The following PIGN variants were observed in gnomAD, a reference collection of about 807,000 sequenced individuals.
The protein encoded by PIGN is GPI ethanolamine phosphate transferase 1.
In PIGN, 117 loss-of-function variants were observed where a neutral mutation model predicts 125.4. That is an observed-to-expected ratio of 0.93 (90% CI 0.80 to 1.09). The LOEUF (loss-of-function observed/expected upper bound fraction) is 1.09. Ranked by LOEUF, PIGN falls within the 50% of genes least tolerant of loss-of-function variation. The pLI, the probability that PIGN is intolerant of heterozygous loss-of-function variation, is 0.00. For synonymous variants in PIGN, 392 were observed against 377.8 expected (o/e 1.04, Z -0.44); for missense variants, 1,075 against 1,094.9 (o/e 0.98, Z 0.26).
At chr18:62,154,297 A>G (rs1307773477) in intron 7 of PIGN, 1 of 481,132 alleles carries the variant, frequency 2.1e-6, no homozygotes, top group Non-Finnish European at 3.6e-6. Context: ...ATCACAAACT[A>G]GAAACGAAAA....
intron 1 of PIGN, chr18:62,184,375 T>C (rs992987762): frequency 6.6e-6 from 1 of 152,222 alleles, no homozygotes; most frequent in African/African-American, 2.4e-5. Flanking sequence ...AAAATCTTAC[T>C]AAGTAGAAAG....
chr18:62,082,872 A>G, intron 27 of PIGN, 126 bp from the exon 28 acceptor site: 1 of 580,852 alleles, frequency 1.7e-6, no homozygotes. Context: ...ATACTAGTGA[A>G]GAGCAAACAC....
intron 30 of PIGN, among the ~76,000 whole-genome samples, chr18:62,071,870 A>ATATATATATATG (rs1266637299): frequency 0.011 from 116 of 10,872 alleles, 4 homozygotes; most frequent in African/African-American, 0.053. Context: ...TTCCATATAT[A>ATATATATATATG]TATATATATA....
At chr18:62,181,760 T>C (rs1275635453) in intron 1 of PIGN, among the ~76,000 whole-genome samples, 2 of 152,040 alleles carry the variant, frequency 1.3e-5, no homozygotes, top group African/African-American at 2.4e-5. Flanking sequence ...TCTCGCCCTA[T>C]CTATCGCCCA....
At chr18:62,118,860 G>A (rs1430692523) in intron 14 of PIGN, among the ~76,000 whole-genome samples, 1 of 149,564 alleles carries the variant, frequency 6.7e-6, no homozygotes, top group Non-Finnish European at 1.5e-5. Flanking sequence ...AGAAAGAAAG[G>A]CCAAGTCTTG....
At chr18:62,132,507 C>A (rs1435542411) in intron 14 of PIGN, among the ~76,000 whole-genome samples, 2 of 152,086 alleles carry the variant, frequency 1.3e-5, no homozygotes, top group African/African-American at 4.8e-5. Context: ...CCACCTGGTT[C>A]TGGTATATTT....
intron 14 of PIGN, chr18:62,137,315 C>A: frequency 2.4e-6 from 1 of 408,968 alleles, no homozygotes; most frequent in South Asian, 1.2e-4. Context: ...TGTCAGCTTC[C>A]CTACTTTTGA....
intron 7 of PIGN, among the ~76,000 whole-genome samples, chr18:62,153,116 G>A (rs1388039970): frequency 2.0e-5 from 3 of 152,018 alleles, no homozygotes; most frequent in African/African-American, 7.2e-5. Flanking sequence ...ACATAATGCT[G>A]TTGGCCTGCA....
intron 30 of PIGN, among the ~76,000 whole-genome samples, chr18:62,048,699 T>C (rs2030952013): frequency 6.7e-6 from 1 of 150,290 alleles, no homozygotes; most frequent in East Asian, 1.9e-4. Flanking sequence ...TCTTTTCTTT[T>C]TTTTTTTTTA....
chr18:62,123,434 A>G (rs1418170423), intron 14 of PIGN: 1 of 152,184 alleles, frequency 6.6e-6, no homozygotes, highest in African/African-American at 2.4e-5. Flanking sequence ...AAGAAGGCAC[A>G]TTAAGAACTA....
Position 62,157,234 on chromosome 18 carries a change from AAAGC to A in PIGN, c.344-11_344-8del. 2 of 1,499,212 alleles carry A rather than the reference AAAGC, an allele frequency of 1.3e-6. No individual in the cohort carries two copies. Among genetic ancestry groups the A allele is most frequent in the South Asian group, 1.2e-5 (1 of 86,654 alleles). The allele number at this position is 1,499,212 out of a possible 1,614,324, so 92.9% of individuals were successfully genotyped here. The stretch of plus-strand genomic sequence containing the variant: ...ACAGGATTTTCCTTCCATCCTTCAG[AAAGC>A]AAGCAAGCAGTAATAGTTATATACA... On this transcript the variant is annotated splice_polypyrimidine_tract_variant and splice_region_variant and intron_variant, in intron 5 of 30. Transcript: ENST00000640252.
At chr18:62,095,824 A>G (rs768270058) in intron 23 of PIGN, 24 bp downstream of exon 23, 3 of 1,327,970 alleles carry the variant, frequency 2.3e-6, no homozygotes, top group East Asian at 4.7e-5. Flanking sequence ...CTGCTATAAA[A>G]TTAAATTGTT....
intron 28 of PIGN, among the ~76,000 whole-genome samples, chr18:62,079,473 A>G (rs2033343965): frequency 2.0e-5 from 3 of 152,234 alleles, no homozygotes; most frequent in East Asian, 1.9e-4. Context: ...ATTGTGAAAT[A>G]TGCTTTAGAT....
chr18:62,174,795 C>T (rs1449765773), intron 1 of PIGN, among the ~76,000 whole-genome samples: 2 of 151,396 alleles, frequency 1.3e-5, no homozygotes, highest in African/African-American at 4.8e-5. Flanking sequence ...ACATACATAG[C>T]AACTAGCTGA....
At chr18:62,061,774 G>A (rs1410027072) in intron 30 of PIGN, among the ~76,000 whole-genome samples, 1 of 152,086 alleles carries the variant, frequency 6.6e-6, no homozygotes, top group African/African-American at 2.4e-5. Flanking sequence ...CTTTTCAAAT[G>A]TACCTTCACA....
At chr18:62,072,751 G>C (rs775232143) in intron 29 of PIGN, 26 bp from the exon 30 acceptor site, 1 of 1,471,968 alleles carries the variant, frequency 6.8e-7, no homozygotes. Context: ...AAGGCTTAAT[G>C]AAAAACAAAG....
At chr18:62,126,898 T>C (rs1423676188) in intron 14 of PIGN, among the ~76,000 whole-genome samples, 2 of 152,284 alleles carry the variant, frequency 1.3e-5, no homozygotes, top group East Asian at 1.9e-4. Context: ...ATGTCCAACA[T>C]CCGTTCAACT....
chr18:62,040,470 A>T (rs2030339367), downstream of PIGN, among the ~76,000 whole-genome samples: 1 of 152,166 alleles, frequency 6.6e-6, no homozygotes. Context: ...TTTTCTCATG[A>T]TTAGACTGGG....
At chr18:62,156,296 T>C (rs754539423) in intron 6 of PIGN, among the ~76,000 whole-genome samples, 26 of 152,200 alleles carry the variant, frequency 1.7e-4, no homozygotes, top group Non-Finnish European at 3.5e-4. Context: ...ATCTTCGATG[T>C]ATTAAAACAG....
Sources: gnomAD v4.1 joint callset for allele counts (sites outside exome capture counted in the v4.1 genomes callset) on GRCh38, gnomAD v4.1.1 for gene constraint, MANE v1.5 for transcripts, NCBI Gene and HGNC (gene_info 2026-07-23, HGNC 2026-07-21) for gene names.